The following IARS2 variants were observed in gnomAD, a reference collection of about 807,000 sequenced individuals.
IARS2 encodes isoleucyl-tRNA synthetase 2, mitochondrial, also known as isoleucine--tRNA ligase, mitochondrial.
In IARS2, 56 loss-of-function variants were observed where a neutral mutation model predicts 126.3. The observed-to-expected ratio is 0.44, with a 90% confidence interval of 0.36 to 0.55. The LOEUF is 0.55. Ranked by LOEUF, IARS2 falls within the 20% of genes least tolerant of loss-of-function variation. The pLI is 0.00. For synonymous variants in IARS2, 407 were observed against 441.1 expected (o/e 0.92, Z 0.97); for missense variants, 1,127 against 1,245.9 (o/e 0.90, Z 1.44).
chr1:220,112,988 G>A (rs1231783860), intron 11 of IARS2, among the ~76,000 whole-genome samples: 1 of 152,034 alleles, frequency 6.6e-6, no homozygotes, highest in Non-Finnish European at 1.5e-5. Flanking sequence ...TAAGCCTTCT[G>A]ATTAGCTGGA....
chr1:220,142,033 G>C, intron 20 of IARS2, 85 bp downstream of exon 20: 6 of 1,307,960 alleles, frequency 4.6e-6, no homozygotes, highest in Non-Finnish European at 6.4e-6. Flanking sequence ...CATAAAAGGG[G>C]CACTTATCCA....
At chr1:220,115,040 G>C (rs1270887602) in intron 12 of IARS2, among the ~76,000 whole-genome samples, 1 of 151,568 alleles carries the variant, frequency 6.6e-6, no homozygotes, top group Non-Finnish European at 1.5e-5. Flanking sequence ...TCCTACTCCA[G>C]GTATCCAGAA....
At position 220,097,786 on chromosome 1, in the gene IARS2, C is replaced by T. The variant is rs565532298; in HGVS notation, c.390+1560C>T. Among the ~76,000 whole-genome samples, 349 of 152,262 alleles carry T rather than the reference C, an allele frequency of 2.3e-3. 1 individual carries two copies. The highest frequency in any genetic ancestry group is 8.0e-3 in the African/African-American group (332 of 41,550). On this transcript the variant is annotated intron_variant, in intron 2 of 22. Transcript: ENST00000366922. ...ATATGTTAATGGCTACAGTGGATCA[C>T]GTGTTCACTCTTGGAGCTGCAGCAG...
At chr1:220,147,429 A>T in intron 22 of IARS2, 64 bp from the exon 23 acceptor site, 1 of 1,532,462 alleles carries the variant, frequency 6.5e-7, no homozygotes. Context: ...CTGCTAAACC[A>T]ATTAAGAAAC....
At chr1:220,142,496 T>C (rs1349724863) in intron 20 of IARS2, among the ~76,000 whole-genome samples, 2 of 152,014 alleles carry the variant, frequency 1.3e-5, no homozygotes, top group East Asian at 1.9e-4. Flanking sequence ...AGCAAGACTG[T>C]CAAAAAAAAT....
At chr1:220,144,169 ATT>A (rs1397834819) in intron 21 of IARS2, 28 of 796,044 alleles carry the variant, frequency 3.5e-5, no homozygotes, top group Non-Finnish European at 2.2e-5. Flanking sequence ...GTTCACAACA[ATT>A]TTCCCAGCTC....
rs751212940 is a variant in IARS2 at position 220,102,114 on chromosome 1, T to C, written c.551-15T>C. 8.8e-6 allele frequency: 14 copies of C among 1,590,054 alleles called. No individual in the cohort carries two copies. The highest frequency in any genetic ancestry group is 1.2e-5 in the Non-Finnish European group (14 of 1,173,114). On this transcript the variant is annotated splice_polypyrimidine_tract_variant and intron_variant, in intron 3 of 22. Transcript: ENST00000366922. ...TCATTGGTTTTTTAAAATCTTTTTT[T>C]CGTCTTTTTTTTAGCTAGATCATTT...
Position 220,110,849 on chromosome 1 carries a change from C to A in IARS2, c.1391C>A (p.Pro464Gln). The A allele has an allele frequency of 1.2e-6, 2 of 1,612,908 alleles. No homozygotes were observed. The highest frequency in any genetic ancestry group is 1.7e-6 in the Non-Finnish European group (2 of 1,179,154). The change falls in exon 11 of 23, where the codon CCG (proline) becomes CAG (glutamine). Residue 464 changes from proline (P) to glutamine (Q), a missense_variant. Physicochemically the swap from Pro to Gln is moderately conservative, Grantham distance 76. Coordinates refer to ENST00000366922, the MANE Select transcript of IARS2 (RefSeq NM_018060.4). ...GAGGAGAAATTGGTGCATAGCTATC[C>A]GTATGACTGGAGGACCAAGAAACCT... ...LKEEKLVHSY[P>Q]YDWRTKKPVV...
chr1:220,130,130 A>G (rs531046623), intron 14 of IARS2, among the ~76,000 whole-genome samples: 2 of 152,136 alleles, frequency 1.3e-5, no homozygotes, highest in African/African-American at 2.4e-5. Context: ...ACATTTTTTC[A>G]TATACCTGTT....
At chr1:220,137,018 A>G in intron 16 of IARS2, 107 bp downstream of exon 16, 1 of 616,252 alleles carries the variant, frequency 1.6e-6, no homozygotes. Flanking sequence ...ACTATCTTTT[A>G]TACTCTCAAA....
intron 21 of IARS2, chr1:220,143,887 G>A (rs1430810947): frequency 4.1e-6 from 3 of 731,146 alleles, no homozygotes; most frequent in Non-Finnish European, 2.3e-6. Context: ...AAATGCTTAA[G>A]AAGAGAATTG....
Position 220,147,859 on chromosome 1 carries a change from G to T in IARS2, c.*224G>T, listed in dbSNP as rs547275502. The T allele has an allele frequency of 3.8e-6, 2 of 526,062 alleles. No homozygotes were observed. Among genetic ancestry groups the T allele is most frequent in the African/African-American group, 3.7e-5 (2 of 53,366 alleles). 32.6% of individuals were successfully genotyped at this position (526,062 alleles called of 1,614,324 possible). Reference sequence around the variant, plus strand: ...GAAATATATATGTGTGTGTGTATCTGTGGATGGATATATGTATATCTCTTC... The same window carrying T: ...GAAATATATATGTGTGTGTGTATCTTTGGATGGATATATGTATATCTCTTC... On this transcript the variant is annotated 3_prime_UTR_variant, in exon 23 of 23. Coordinates refer to ENST00000366922, the MANE Select transcript of IARS2 (RefSeq NM_018060.4).
chr1:220,124,457 G>T (rs1411354936), intron 12 of IARS2, among the ~76,000 whole-genome samples: 1 of 152,138 alleles, frequency 6.6e-6, no homozygotes, highest in African/African-American at 2.4e-5. Context: ...TTCACCAGGG[G>T]AGGGATCTTG....
intron 10 of IARS2, among the ~76,000 whole-genome samples, chr1:220,109,932 G>C (rs1656762135): frequency 6.6e-6 from 1 of 152,196 alleles, no homozygotes; most frequent in Admixed American, 6.5e-5. Context: ...TCTTTTCTTT[G>C]ACGTGAAAAG....
Position 220,110,826 on chromosome 1 carries a change from G to C in IARS2, c.1368G>C (p.Glu456Asp). 2.5e-6 allele frequency: 4 copies of C among 1,612,402 alleles called. No individual in the cohort carries two copies. Among genetic ancestry groups the C allele is most frequent in the Non-Finnish European group, 3.4e-6 (4 of 1,178,812 alleles). ...MLQTAKNLLK[E>D]EKLVHSYPYD... The stretch of plus-strand genomic sequence containing the variant: ...AGACTGCAAAGAATTTGTTGAAAGA[G>C]GAGAAATTGGTGCATAGCTATCCGT... Residue 456 changes from glutamate to aspartate, a missense_variant, in exon 11 of 23, where the codon GAG becomes GAC. Transcript: ENST00000366922.
In IARS2 at chr1:220,137,998, A is replaced by C. The variant is rs1396237970; in HGVS notation, c.2130A>C (p.Ala710=). The C allele has an allele frequency of 1.2e-6, 2 of 1,614,002 alleles. No individual in the cohort carries two copies. The highest frequency in any genetic ancestry group is 1.1e-5 in the South Asian group (1 of 91,086). Residue 710 remains alanine, a synonymous_variant, in exon 17 of 23, where the codon GCA becomes GCC. Transcript: ENST00000366922. ...ATTCCAATGTCTTCACCGAAGTTGCAATTGGCCCATCCGTGCTCAATGCTG... is the reference window on the plus strand; with the variant it reads ...ATTCCAATGTCTTCACCGAAGTTGCCATTGGCCCATCCGTGCTCAATGCTG... The part of the protein sequence containing the change: ...VADSNVFTEV[A]IGPSVLNAAR...
At chr1:220,130,803 C>T (rs1260552581) in intron 14 of IARS2, among the ~76,000 whole-genome samples, 1 of 152,160 alleles carries the variant, frequency 6.6e-6, no homozygotes, top group African/African-American at 2.4e-5. Context: ...TTCTTCTGCA[C>T]ATGGATAGCC....
intron 2 of IARS2, among the ~76,000 whole-genome samples, chr1:220,097,109 C>A (rs547574137): frequency 4.6e-5 from 7 of 152,086 alleles, no homozygotes; most frequent in African/African-American, 1.7e-4. Context: ...ATTTCAAACC[C>A]TTTTGCAAGG....
intron 11 of IARS2, among the ~76,000 whole-genome samples, chr1:220,111,479 A>C (rs1453622724): frequency 6.6e-6 from 1 of 151,922 alleles, no homozygotes; most frequent in African/African-American, 2.4e-5. Context: ...AAAATATACA[A>C]AGTTGTTGCT....
Sources: gnomAD v4.1 joint callset for allele counts (sites outside exome capture counted in the v4.1 genomes callset) on GRCh38, gnomAD v4.1.1 for gene constraint, MANE v1.5 for transcripts, NCBI Gene and HGNC (gene_info 2026-07-23, HGNC 2026-07-21) for gene names.